PHLPP1: variants seen among roughly 807,000 people sequenced by gnomAD.
PHLPP1 encodes the protein PH domain leucine-rich repeat-containing protein phosphatase 1.
Under a neutral mutation model 117.2 loss-of-function variants are expected in PHLPP1, and 42 were observed. That is an observed-to-expected ratio of 0.36 (90% confidence interval 0.28 to 0.46). The LOEUF is 0.46. PHLPP1 is among the 20% of genes least tolerant of loss of function. The probability of loss-of-function intolerance (pLI) is 1.00; values close to 1 mark genes in which losing one functional copy is unlikely to be tolerated. For synonymous variants in PHLPP1, 1,042 were observed against 970.7 expected (o/e 1.07, Z -1.37); for missense variants, 2,084 against 2,241.9 (o/e 0.93, Z 1.42).
chr18:62,746,736 G>C (rs1911686165), intron 1 of PHLPP1, among the ~76,000 whole-genome samples: 1 of 150,672 alleles, frequency 6.6e-6, no homozygotes, highest in South Asian at 2.1e-4. Context: ...ACAACCTGGC[G>C]CGTGTGTTGT....
chr18:62,967,212 A>T (rs992691183), intron 14 of PHLPP1, among the ~76,000 whole-genome samples: 1 of 152,250 alleles, frequency 6.6e-6, no homozygotes, highest in African/African-American at 2.4e-5. Flanking sequence ...AAACAGTTAC[A>T]TACAGGTTTT....
At chr18:62,863,043 G>A (rs1232909550) in intron 4 of PHLPP1, among the ~76,000 whole-genome samples, 1 of 125,286 alleles carries the variant, frequency 8.0e-6, no homozygotes, top group Non-Finnish European at 1.7e-5. Flanking sequence ...TTATCACTGT[G>A]GTATTCTTTT....
rs995395508 is a variant in PHLPP1, at chr18:62,844,532, C to A, written c.1899+5623C>A. ...CCTGTGACCTGGCTTCCACTGTTAC[C>A]ATCTCCTGGCCAGTGGGCTATCGGT... On this transcript the variant is annotated intron_variant, in intron 3 of 16. Transcript: ENST00000262719. Among the ~76,000 whole-genome samples, 5 of 152,210 alleles carry A rather than the reference C, an allele frequency of 3.3e-5. No individual in the cohort carries two copies. In the East Asian group the frequency reaches 9.7e-4, roughly 29 times the overall value.
intron 1 of PHLPP1, among the ~76,000 whole-genome samples, chr18:62,766,078 T>TATATATATATATATATATATATAGA (rs1912497460): frequency 5.2e-5 from 1 of 19,338 alleles, no homozygotes; most frequent in East Asian, 1.9e-3. Context: ...AAAAAAAAAA[T>TATATATATATATATATATATATAGA]ATATATATAT....
chr18:62,939,338 ACACTAGT>A lies in PHLPP1; in HGVS notation c.2961-2378_2961-2372del, dbSNP rs1356001493. On this transcript the variant is annotated intron_variant, in intron 10 of 16. Transcript: ENST00000262719. ...ATTATTTTATATAGTTTCCCAGCCA[ACACTAGT>A]CCATGATATTTTAGGGCAATAAAAT... Among the ~76,000 whole-genome samples, 12 of 152,308 alleles carry A rather than the reference ACACTAGT, an allele frequency of 7.9e-5. No individual in the cohort carries two copies. In the East Asian group the frequency reaches 2.3e-3, roughly 29 times the overall value.
chr18:62,900,433 C>CTTTTTTTT lies in PHLPP1; in HGVS notation c.2445-2510_2445-2503dup, dbSNP rs774225759. On this transcript the variant is annotated intron_variant, in intron 6 of 16. Coordinates refer to ENST00000262719, the MANE Select transcript of PHLPP1 (RefSeq NM_194449.4). ...GTATTCTTGTTTTTTCTTTTTCTTT[C>CTTTTTTTT]TTTTTTTTTTTTTTTTTTTTTTTTT... is the stretch of plus-strand genomic sequence containing the variant. Among the ~76,000 whole-genome samples the CTTTTTTTT allele has an allele frequency of 9.0e-4, 49 of 54,266 alleles. 12 individuals carry two copies. Among genetic ancestry groups the CTTTTTTTT allele is most frequent in the African/African-American group, 2.8e-3 (34 of 12,306 alleles). The allele number at this position is 54,266 out of a possible 152,430, so 35.6% of individuals were successfully genotyped here.
At chr18:62,824,068 G>A (rs893381992) in intron 1 of PHLPP1, 27 of 413,062 alleles carry the variant, frequency 6.5e-5, no homozygotes, top group South Asian at 1.7e-4. Flanking sequence ...GGAGGTGGAG[G>A]TTGCAGTGAG....
chr18:62,768,877 A>C (rs1022338969), intron 1 of PHLPP1, among the ~76,000 whole-genome samples: 3 of 152,230 alleles, frequency 2.0e-5, no homozygotes, highest in Non-Finnish European at 4.4e-5. Context: ...GCTTTTAGCT[A>C]TCAGAATTAT....
intron 1 of PHLPP1, among the ~76,000 whole-genome samples, chr18:62,773,655 A>T (rs948481968): frequency 1.4e-4 from 21 of 152,352 alleles, no homozygotes; most frequent in Admixed American, 5.2e-4. Flanking sequence ...TCTCCACCCT[A>T]AATGTTGAGG....
intron 1 of PHLPP1, among the ~76,000 whole-genome samples, chr18:62,752,470 ATTG>A (rs1419626789): frequency 2.0e-5 from 3 of 152,230 alleles, no homozygotes; most frequent in African/African-American, 4.8e-5. Context: ...CAGACGCTGA[ATTG>A]TTGTTATATC....
At chr18:62,766,355 C>G (rs1370860029) in intron 1 of PHLPP1, among the ~76,000 whole-genome samples, 1 of 151,544 alleles carries the variant, frequency 6.6e-6, no homozygotes, top group Non-Finnish European at 1.5e-5. Context: ...TACTCCTGGC[C>G]TCTCTAGTAA....
chr18:62,806,656 T>G (rs1365079327), intron 1 of PHLPP1, among the ~76,000 whole-genome samples: 2 of 152,200 alleles, frequency 1.3e-5, no homozygotes, highest in Non-Finnish European at 2.9e-5. Context: ...TGTACACTCC[T>G]TTCTGTAATT....
intron 1 of PHLPP1, among the ~76,000 whole-genome samples, chr18:62,723,733 T>C (rs1910988716): frequency 6.6e-6 from 1 of 152,160 alleles, no homozygotes; most frequent in Non-Finnish European, 1.5e-5. Flanking sequence ...GGGAAACAAT[T>C]TTTTCCTTTT....
At chr18:62,782,999 A>G (rs1913161104) in intron 1 of PHLPP1, among the ~76,000 whole-genome samples, 1 of 145,498 alleles carries the variant, frequency 6.9e-6, no homozygotes, top group Non-Finnish European at 1.5e-5. Context: ...TCCAGCTCTC[A>G]TAAGTAAATC....
chr18:62,806,583 C>T (rs1364844043), intron 1 of PHLPP1, among the ~76,000 whole-genome samples: 1 of 152,064 alleles, frequency 6.6e-6, no homozygotes, highest in Non-Finnish European at 1.5e-5. Context: ...TAAAACTGTA[C>T]TCCCAAGGCA....
At chr18:62,774,344 C>G (rs1912886628) in intron 1 of PHLPP1, among the ~76,000 whole-genome samples, 1 of 152,168 alleles carries the variant, frequency 6.6e-6, no homozygotes, top group Non-Finnish European at 1.5e-5. Flanking sequence ...AGACTGAAGT[C>G]AGATCAGCTT....
chr18:62,776,625 T>C (rs1568113970), intron 1 of PHLPP1, among the ~76,000 whole-genome samples: 4 of 151,686 alleles, frequency 2.6e-5, no homozygotes, highest in South Asian at 2.1e-4. Context: ...TTTTTTTTTT[T>C]CTGGGACGGA....
chr18:62,948,993 T>C (rs1423302690), intron 12 of PHLPP1, among the ~76,000 whole-genome samples: 1 of 152,196 alleles, frequency 6.6e-6, no homozygotes, highest in Non-Finnish European at 1.5e-5. Context: ...AAACTAAGCA[T>C]ATTTTTAATG....
At chr18:62,758,426 C>T (rs564909365) in intron 1 of PHLPP1, among the ~76,000 whole-genome samples, 9 of 152,134 alleles carry the variant, frequency 5.9e-5, no homozygotes, top group African/African-American at 2.2e-4. Context: ...CGTGCTCAAC[C>T]CATGCTGTTA....
Sources: gnomAD v4.1 joint callset for allele counts (sites outside exome capture counted in the v4.1 genomes callset) on GRCh38, gnomAD v4.1.1 for gene constraint, MANE v1.5 for transcripts, NCBI Gene and HGNC (gene_info 2026-07-23, HGNC 2026-07-21) for gene names.